The following CSMD3 variants were observed in gnomAD, a reference collection of about 807,000 sequenced individuals.
CSMD3 encodes the protein CUB and Sushi multiple domains 3.
Under a neutral mutation model 435.2 loss-of-function variants are expected in CSMD3, and 177 were observed. The observed-to-expected ratio is 0.41, with a 90% CI of 0.36 to 0.46. CSMD3 has a LOEUF of 0.46. CSMD3 is among the 20% of genes least tolerant of loss of function. CSMD3 has a pLI of 0.34. For synonymous variants in CSMD3, 1,656 were observed against 1,520.5 expected, an observed-to-expected ratio of 1.09 and a Z score of -2.07; for missense variants, 4,265 against 4,504.6, an observed-to-expected ratio of 0.95 and a Z score of 1.52.
intron 45 of CSMD3, among the ~76,000 whole-genome samples, chr8:112,333,828 TC>T (rs1264691770): frequency 1.3e-5 from 2 of 152,164 alleles, no homozygotes; most frequent in African/African-American, 4.8e-5. Context: ...CTTTATGATT[TC>T]AAGCAGTACA....
At position 112,281,216 on chromosome 8, in the gene CSMD3, T is replaced by C. The variant is rs189761332; in HGVS notation, c.9466A>G (p.Thr3156Ala). ...ILSGPSVRQC[T>A]ANGTWSGTLP... ...GTTCCAGACCATGTTCCATTGGCTG[T>C]GCACTGTCTAACTGAAGGTCCAGAA... The change falls in exon 59 of 71, where the codon ACA (threonine) becomes GCA (alanine). Residue 3156 changes from threonine to alanine, a missense_variant. Physicochemically the swap from Thr to Ala is moderately conservative, Grantham distance 58 (BLOSUM62 0). Transcript: ENST00000297405. The C allele has an allele frequency of 1.2e-6, 2 of 1,613,438 alleles. No homozygotes were observed. Among genetic ancestry groups the C allele is most frequent in the African/African-American group, 2.7e-5 (2 of 75,026 alleles).
intron 4 of CSMD3, among the ~76,000 whole-genome samples, chr8:113,171,841 A>G (rs1256589940): frequency 1.3e-5 from 2 of 152,162 alleles, no homozygotes; most frequent in East Asian, 3.9e-4. Context: ...TTCTGTACAG[A>G]AAATAGCCAA....
At chr8:113,228,899 T>C (rs1413133145) in intron 3 of CSMD3, among the ~76,000 whole-genome samples, 1 of 151,592 alleles carries the variant, frequency 6.6e-6, no homozygotes, top group Non-Finnish European at 1.5e-5. Flanking sequence ...TTCTTCCTAC[T>C]CCATATAATT....
chr8:112,620,023 G>A (rs1276157525), intron 22 of CSMD3, among the ~76,000 whole-genome samples: 2 of 151,990 alleles, frequency 1.3e-5, no homozygotes, highest in Admixed American at 6.6e-5. Flanking sequence ...AAATAACCAG[G>A]GATGGAAGTG....
chr8:112,780,096 A>G (rs2078345455), intron 13 of CSMD3, among the ~76,000 whole-genome samples: 1 of 152,112 alleles, frequency 6.6e-6, no homozygotes, highest in Admixed American at 6.6e-5. Context: ...CATTCTTTTC[A>G]TAGGAATTGT....
chr8:113,229,831 T>C (rs893691336), intron 3 of CSMD3, among the ~76,000 whole-genome samples: 1 of 151,628 alleles, frequency 6.6e-6, no homozygotes, highest in African/African-American at 2.4e-5. Context: ...GATAGGTTAC[T>C]TGCCCTCATC....
At chr8:112,972,667 G>C (rs1212343836) in intron 7 of CSMD3, among the ~76,000 whole-genome samples, 1 of 151,798 alleles carries the variant, frequency 6.6e-6, no homozygotes, top group Non-Finnish European at 1.5e-5. Flanking sequence ...GTAATTTCAA[G>C]CCTTTAAATA....
At chr8:112,468,232 G>GTGTTTTTTTTTTTTTTTT (rs1818152244) in intron 32 of CSMD3, among the ~76,000 whole-genome samples, 1 of 114,882 alleles carries the variant, frequency 8.7e-6, no homozygotes. Flanking sequence ...ATTGCCTAAA[G>GTGTTTTTTTTTTTTTTTT]TATTTTTTTT....
chr8:113,214,000 A>C (rs944421383), intron 3 of CSMD3, among the ~76,000 whole-genome samples: 1 of 152,076 alleles, frequency 6.6e-6, no homozygotes, highest in Non-Finnish European at 1.5e-5. Context: ...CAAGCATACA[A>C]GGAAATCTAA....
chr8:112,856,892 T>C (rs1206117328), intron 11 of CSMD3, among the ~76,000 whole-genome samples: 1 of 151,842 alleles, frequency 6.6e-6, no homozygotes, highest in East Asian at 1.9e-4. Context: ...TGAAAAGGGT[T>C]CCAAGGAGTA....
chr8:112,546,667 A>G (rs1827208548), intron 27 of CSMD3, among the ~76,000 whole-genome samples: 1 of 152,174 alleles, frequency 6.6e-6, no homozygotes, highest in Admixed American at 6.5e-5. Context: ...AAGTGGAATG[A>G]GACAGGCAGA....
chr8:112,273,154 T>C (rs771198065), intron 59 of CSMD3, among the ~76,000 whole-genome samples: 1 of 152,140 alleles, frequency 6.6e-6, no homozygotes, highest in Admixed American at 6.5e-5. Flanking sequence ...TCAATAAAAA[T>C]GTCAATGTAA....
At chr8:112,797,252 A>G (rs1363376462) in intron 13 of CSMD3, among the ~76,000 whole-genome samples, 4 of 151,900 alleles carry the variant, frequency 2.6e-5, no homozygotes, top group South Asian at 4.1e-4. Flanking sequence ...GGTTCTTCCT[A>G]CATTTGGAGG....
intron 1 of CSMD3, among the ~76,000 whole-genome samples, chr8:113,326,756 C>G (rs2093986771): frequency 6.6e-6 from 1 of 152,040 alleles, no homozygotes; most frequent in South Asian, 2.1e-4. Flanking sequence ...TTCTTATTTT[C>G]ACACAAAATT....
At chr8:112,819,331 T>C (rs1451154550) in intron 12 of CSMD3, among the ~76,000 whole-genome samples, 1 of 152,042 alleles carries the variant, frequency 6.6e-6, no homozygotes, top group Admixed American at 6.6e-5. Context: ...GAGGAGAGGG[T>C]GGCCAATTGG....
At chr8:112,289,231 T>A (rs573153700) in intron 57 of CSMD3, 134 bp downstream of exon 57, 1 of 794,928 alleles carries the variant, frequency 1.3e-6, no homozygotes, top group African/African-American at 1.7e-5. Context: ...AAGCAGTGTT[T>A]CAGCTTTTCT....
At chr8:112,430,608 A>G (rs73702808) in intron 32 of CSMD3, among the ~76,000 whole-genome samples, 2,661 of 152,144 alleles carry the variant, frequency 0.017, 80 homozygotes, top group African/African-American at 0.06. Flanking sequence ...ATATCAATTC[A>G]TAAAAGAACA....
intron 10 of CSMD3, among the ~76,000 whole-genome samples, chr8:112,862,274 G>A (rs1438218677): frequency 6.6e-6 from 1 of 151,860 alleles, no homozygotes; most frequent in Non-Finnish European, 1.5e-5. Context: ...CATATTTCTT[G>A]TTTTCTTAAT....
chr8:113,170,185 A>G (rs1188335356), intron 4 of CSMD3, among the ~76,000 whole-genome samples: 1 of 152,218 alleles, frequency 6.6e-6, no homozygotes, highest in Non-Finnish European at 1.5e-5. Flanking sequence ...CAAGTGGCAA[A>G]GAAAAGCAGA....
Sources: gnomAD v4.1 joint callset for allele counts (sites outside exome capture counted in the v4.1 genomes callset) on GRCh38, gnomAD v4.1.1 for gene constraint, MANE v1.5 for transcripts, NCBI Gene and HGNC (gene_info 2026-07-23, HGNC 2026-07-21) for gene names.